TK2: variants seen among roughly 807,000 people sequenced by gnomAD.
TK2 encodes the protein thymidine kinase 2.
Under a neutral mutation model 41.9 loss-of-function variants are expected in TK2, and 35 were observed. That is an observed-to-expected ratio of 0.84 (90% CI 0.64 to 1.11). The LOEUF is 1.11. TK2 is among the 50% of genes least tolerant of loss of function. TK2 has a pLI of 0.00. For synonymous variants in TK2, 128 were observed against 129.1 expected, an observed-to-expected ratio of 0.99 and a Z score of 0.06; for missense variants, 320 against 351.1, an observed-to-expected ratio of 0.91 and a Z score of 0.71.
chr16:66,513,718 GAGTCT>G lies in TK2; in HGVS notation c.699+8_699+12del. Reference sequence around the variant, plus strand: ...TAGAACAGTCTCGTACCCTGTAAGGGAGTCTTACTTACCAGAACAGGGGCTGCCAT... The same window carrying G: ...TAGAACAGTCTCGTACCCTGTAAGGGTACTTACCAGAACAGGGGCTGCCAT... On this transcript the variant is annotated splice_region_variant and intron_variant, in intron 9 of 9. Coordinates refer to ENST00000544898, the MANE Select transcript of TK2 (RefSeq NM_004614.5). The G allele has an allele frequency of 1.9e-6, 3 of 1,612,574 alleles. No individual in the cohort carries two copies. The highest frequency in any genetic ancestry group is 2.5e-6 in the Non-Finnish European group (3 of 1,178,810).
Position 66,510,122 on chromosome 16 carries a change from G to C in TK2, c.*1846C>G, listed in dbSNP as rs1193709577. On this transcript the variant is annotated 3_prime_UTR_variant, in exon 10 of 10. Coordinates refer to ENST00000544898, the MANE Select transcript of TK2 (RefSeq NM_004614.5). ...GAAGCACTTCAAAATCAACAACAGG[G>C]CTTAGGTGAAGGAGTTATTGGGTAT... 2.0e-5 allele frequency: 3 copies of C among 151,548 alleles called. No individual in the cohort carries two copies. The East Asian group carries it at 5.8e-4, about 29-fold the overall frequency. The allele number at this position is 151,548 out of a possible 1,614,324, so 9.4% of individuals were successfully genotyped here.
At position 66,543,690 on chromosome 16, in the gene TK2, G is replaced by A. The variant is rs572237213; in HGVS notation, c.157-1737C>T. Among the ~76,000 whole-genome samples the A allele has an allele frequency of 3.3e-5, 5 of 152,270 alleles. No individual in the cohort carries two copies. In the East Asian group the frequency reaches 5.8e-4, roughly 18 times the overall value. On this transcript the variant is annotated intron_variant, in intron 2 of 9. Coordinates refer to ENST00000544898, the MANE Select transcript of TK2 (RefSeq NM_004614.5). ...AATTCACATCCAGGCCCCTTCTCAC[G>A]ACTCCTGATGGAGCCTCAGTCACAC...
chr16:66,549,762 T>C (rs989737610), intron 1 of TK2, 176 bp downstream of exon 1: 3 of 1,280,170 alleles, frequency 2.3e-6, no homozygotes, highest in East Asian at 3.2e-5. Context: ...CAGCGCTCGC[T>C]GCGGTCTCGC....
chr16:66,543,744 C>T (rs897672986), intron 2 of TK2, among the ~76,000 whole-genome samples: 4 of 152,108 alleles, frequency 2.6e-5, no homozygotes, highest in East Asian at 1.9e-4. Flanking sequence ...CACAGTGGGC[C>T]GTCTCACCCG....
At position 66,526,072 on chromosome 16, in the gene TK2, C is replaced by T. The variant is rs79110530; in HGVS notation, c.449+2922G>A. Among the ~76,000 whole-genome samples the T allele has an allele frequency of 5.3e-5, 8 of 152,220 alleles. No individual in the cohort carries two copies. The East Asian group carries it at 1.5e-3, about 29-fold the overall frequency. On this transcript the variant is annotated intron_variant, in intron 6 of 9. Coordinates refer to ENST00000544898, the MANE Select transcript of TK2 (RefSeq NM_004614.5). ...ATGCAGGACCATGGGCGTGAGTTAC[C>T]AAAGCCCATGGCCATCAGCAGGAAC...
intron 3 of TK2, among the ~76,000 whole-genome samples, chr16:66,538,186 C>A (rs1053484732): frequency 4.6e-5 from 7 of 151,828 alleles, no homozygotes; most frequent in African/African-American, 1.7e-4. Context: ...AAAGTAATCA[C>A]CCCCCACCCT....
intron 2 of TK2, among the ~76,000 whole-genome samples, chr16:66,546,886 G>C (rs1322792469): frequency 6.6e-6 from 1 of 151,948 alleles, no homozygotes; most frequent in Non-Finnish European, 1.5e-5. Context: ...CGAGTAGCTA[G>C]GACTACTGGT....
rs559727787 is a variant in TK2, at chr16:66,517,676, T to G, written c.538+113A>C. 2.1e-6 allele frequency: 2 copies of G among 959,474 alleles called. No individual in the cohort carries two copies. The highest frequency in any genetic ancestry group is 2.4e-5 in the East Asian group (1 of 41,638). 59.4% of individuals were successfully genotyped at this position (959,474 alleles called of 1,614,324 possible). On this transcript the variant is annotated intron_variant, in intron 7 of 9. Transcript: ENST00000544898. The surrounding 1 kb of genome is among the most constrained non-coding windows in gnomAD (Gnocchi z 4.3). ...AGCTGAACTCCCATGGGGAAGGAAC[T>G]GCCAAGGGCAAGTGCCTCACCCACT... is the stretch of plus-strand genomic sequence containing the variant.
At position 66,511,434 on chromosome 16, in the gene TK2, T is replaced by G. The variant is rs1597071247; in HGVS notation, c.*534A>C. The G allele has an allele frequency of 4.8e-6, 1 of 207,200 alleles. No individual in the cohort carries two copies. The highest frequency in any genetic ancestry group is 7.7e-5 in the South Asian group (1 of 12,918). 12.8% of individuals were successfully genotyped at this position (207,200 alleles called of 1,614,324 possible). A position where few individuals can be genotyped will look rare whatever the true frequency, so the allele number is the denominator to read the frequency against. ...CCTCCAACCGGAAGAGGCAGGGCGG[T>G]GGGGAACAGCTCTCAGGAGGAGGCA... On this transcript the variant is annotated 3_prime_UTR_variant, in exon 10 of 10. Coordinates refer to ENST00000544898, the MANE Select transcript of TK2 (RefSeq NM_004614.5).
intron 4 of TK2, among the ~76,000 whole-genome samples, chr16:66,535,270 T>G (rs1280284062): frequency 6.6e-6 from 1 of 152,220 alleles, no homozygotes; most frequent in Non-Finnish European, 1.5e-5. Context: ...TATTTTTTAT[T>G]AGGAAACTCT....
At chr16:66,518,006 C>T (rs535728932) in intron 6 of TK2, 129 bp from the exon 7 acceptor site, 32 of 787,686 alleles carry the variant, frequency 4.1e-5, no homozygotes, top group East Asian at 1.8e-4. Flanking sequence ...CAGTGTGATC[C>T]GTGCAATACT....
intron 4 of TK2, among the ~76,000 whole-genome samples, chr16:66,532,336 G>C (rs37177): frequency 6.6e-6 from 1 of 151,944 alleles, no homozygotes; most frequent in Non-Finnish European, 1.5e-5. Context: ...AGGCACAGTG[G>C]CTCATGCCTG....
At chr16:66,540,173 C>CTTTTTTTTTTTT (rs200305417) in intron 3 of TK2, among the ~76,000 whole-genome samples, 9 of 130,776 alleles carry the variant, frequency 6.9e-5, no homozygotes, top group East Asian at 2.2e-4. Context: ...TTTCTTTTTT[C>CTTTTTTTTTTTT]TTTTTTTTTT....
chr16:66,513,339 T>A (rs1262564305), intron 9 of TK2, among the ~76,000 whole-genome samples: 1 of 152,166 alleles, frequency 6.6e-6, no homozygotes, highest in East Asian at 1.9e-4. Context: ...ACAATGACAT[T>A]CCTTCTGATG....
In TK2 at chr16:66,514,868, C is replaced by G. The variant is rs554565490; in HGVS notation, c.619-1057G>C. Among the ~76,000 whole-genome samples the G allele has an allele frequency of 6.6e-6, 1 of 152,242 alleles. No homozygotes were observed. The highest frequency in any genetic ancestry group is 2.1e-4 in the South Asian group (1 of 4,822). On this transcript the variant is annotated intron_variant, in intron 8 of 9. Coordinates refer to ENST00000544898, the MANE Select transcript of TK2 (RefSeq NM_004614.5). This position sits in a 1 kb window ranked among gnomAD's most constrained non-coding sequence, Gnocchi z 4.2. ...ATGCTGTTAGTCTATAACCTTACCC[C>G]CAACCCCGTGCTCTCTGAAACGTGT...
intron 3 of TK2, among the ~76,000 whole-genome samples, chr16:66,537,698 T>C (rs1157966430): frequency 6.6e-6 from 1 of 152,236 alleles, no homozygotes; most frequent in South Asian, 2.1e-4. Flanking sequence ...CCCCAGACTC[T>C]GCTAGAGCCT....
chr16:66,522,769 C>T (rs951553228), intron 6 of TK2, among the ~76,000 whole-genome samples: 7 of 152,160 alleles, frequency 4.6e-5, no homozygotes, highest in African/African-American at 1.7e-4. Context: ...GAGGCTGAGG[C>T]AGGAGAATCG....
At chr16:66,528,670 G>T (rs949557251) in intron 6 of TK2, among the ~76,000 whole-genome samples, 1 of 152,240 alleles carries the variant, frequency 6.6e-6, no homozygotes, top group African/African-American at 2.4e-5. Flanking sequence ...CCCAGAAGGA[G>T]AGTGACAGGC....
rs191446428 is a variant in TK2 at position 66,549,251 on chromosome 16, T to C, written c.125-242A>G. The C allele has an allele frequency of 2.1e-5, 28 of 1,350,872 alleles. No individual in the cohort carries two copies. The Admixed American group carries it at 3.3e-4, about 16-fold the overall frequency. 83.7% of individuals were successfully genotyped at this position (1,350,872 alleles called of 1,614,324 possible). A position where few individuals can be genotyped will look rare whatever the true frequency, so the allele number is the denominator to read the frequency against. On this transcript the variant is annotated intron_variant, in intron 1 of 9. Coordinates refer to ENST00000544898, the MANE Select transcript of TK2 (RefSeq NM_004614.5). The stretch of plus-strand genomic sequence containing the variant: ...GCTCGAGTTCTTTCACTTAGTACAT[T>C]ATACTTTGCATTTTCCACGTTATTT...
Sources: allele counts gnomAD v4.1 joint callset (sites outside exome capture counted in the v4.1 genomes callset), GRCh38; gene constraint gnomAD v4.1.1; non-coding constraint Gnocchi (gnomAD v3.1); transcripts MANE v1.5; gene names NCBI Gene and HGNC (gene_info 2026-07-23, HGNC 2026-07-21).